The following PRELID2 variants were observed in gnomAD, a reference collection of about 807,000 sequenced individuals.
The protein encoded by PRELID2 is PRELI domain containing 2.
Under a neutral mutation model 28.4 loss-of-function variants are expected in PRELID2, and 25 were observed. The observed-to-expected ratio is 0.88, with a 90% CI of 0.64 to 1.23. The LOEUF is 1.23. Among genes scored for constraint, PRELID2 ranks in the 50% most tolerant of loss-of-function variants. The probability of loss-of-function intolerance (pLI) is 0.00; values close to 1 mark genes in which losing one functional copy is unlikely to be tolerated. For missense variants in PRELID2, 201 were observed against 214.4 expected, an observed-to-expected ratio of 0.94 and a Z score of 0.39; for synonymous variants, 76 against 71.6, an observed-to-expected ratio of 1.06 and a Z score of -0.31.
chr5:145,366,610 T>C, the PRELID2 span, among the ~76,000 whole-genome samples: 9 of 151,974 alleles, frequency 5.9e-5, no homozygotes, highest in African/African-American at 1.4e-4. Context: ...TTAAAATTTA[T>C]TTTCTCATCT....
the PRELID2 span, among the ~76,000 whole-genome samples, chr5:145,379,404 C>G: frequency 1.3e-5 from 2 of 152,114 alleles, no homozygotes; most frequent in African/African-American, 2.4e-5. Flanking sequence ...GGGTGAGGGG[C>G]TCCTTCTGGT....
the PRELID2 span, among the ~76,000 whole-genome samples, chr5:145,430,124 T>C: frequency 2.0e-5 from 3 of 152,198 alleles, no homozygotes; most frequent in African/African-American, 7.2e-5. Flanking sequence ...GATGAAGTAA[T>C]AGTTAATTAA....
downstream of PRELID2, among the ~76,000 whole-genome samples, chr5:145,755,606 A>C (rs1194181763): frequency 2.0e-5 from 3 of 152,242 alleles, no homozygotes. Flanking sequence ...GGCTGGTATC[A>C]TTGCTTTAAA....
the PRELID2 span, among the ~76,000 whole-genome samples, chr5:145,429,093 G>GAT: frequency 6.6e-6 from 1 of 152,184 alleles, no homozygotes; most frequent in African/African-American, 2.4e-5. Flanking sequence ...AAATGACTCT[G>GAT]ATATTTAAAA....
the PRELID2 span, among the ~76,000 whole-genome samples, chr5:145,439,750 C>G: frequency 1.7e-3 from 258 of 152,178 alleles, 5 homozygotes; most frequent in East Asian, 0.042. Flanking sequence ...TTCTACTGCC[C>G]TGCTTTCTGG....
At chr5:145,348,227 C>T in the PRELID2 span, among the ~76,000 whole-genome samples, 5 of 152,030 alleles carry the variant, frequency 3.3e-5, no homozygotes, top group African/African-American at 1.2e-4. Flanking sequence ...TTGCCATTGC[C>T]CTACCATTTC....
chr5:145,254,916 T>TA, the PRELID2 span, among the ~76,000 whole-genome samples: 213 of 138,852 alleles, frequency 1.5e-3, no homozygotes, highest in Middle Eastern at 3.6e-3. Flanking sequence ...AACTCTGAAT[T>TA]AAAAAAAAAA....
chr5:145,375,633 G>T, the PRELID2 span, among the ~76,000 whole-genome samples: 1 of 152,176 alleles, frequency 6.6e-6, no homozygotes, highest in Admixed American at 6.5e-5. Flanking sequence ...AGGGGCTCAG[G>T]CCCAGGGAGA....
the PRELID2 span, among the ~76,000 whole-genome samples, chr5:145,337,658 C>T: frequency 1.4e-5 from 2 of 138,816 alleles, no homozygotes; most frequent in Non-Finnish European, 3.1e-5. Flanking sequence ...TACAGATGAA[C>T]AGCCACAGGA....
At chr5:145,297,221 C>T in the PRELID2 span, among the ~76,000 whole-genome samples, 1 of 151,950 alleles carries the variant, frequency 6.6e-6, no homozygotes, top group South Asian at 2.1e-4. Flanking sequence ...TCAATTTTGG[C>T]TTTTGTTGCC....
chr5:145,417,190 T>G, the PRELID2 span, among the ~76,000 whole-genome samples: 11 of 152,074 alleles, frequency 7.2e-5, no homozygotes, highest in Admixed American at 7.2e-4. Context: ...CTCCCAAGTC[T>G]GAACCAGGAA....
rs563617899 is a variant in PRELID2 at position 145,684,562 on chromosome 5, T to A, written n.70+80369A>T. Among the ~76,000 whole-genome samples the A allele has an allele frequency of 4.0e-4, 61 of 152,344 alleles. No individual in the cohort carries two copies. In the South Asian group the frequency reaches 0.012, roughly 31 times the overall value. ...GCTTCACATTCATGCTTTCATTTAATCCTCATAGTTGTTCTGTTATTATTT... is the reference window on the plus strand; with the variant it reads ...GCTTCACATTCATGCTTTCATTTAAACCTCATAGTTGTTCTGTTATTATTT... On this transcript the variant is annotated intron_variant and non_coding_transcript_variant, in intron 1 of 2. Transcript: ENST00000510259.
chr5:145,694,706 C>T (rs1406392445), intron 1 of PRELID2, among the ~76,000 whole-genome samples: 1 of 151,214 alleles, frequency 6.6e-6, no homozygotes, highest in African/African-American at 2.4e-5. Context: ...GTTCACTTCA[C>T]AAATATTTTT....
chr5:145,745,341 A>G (rs1404124325), intron 1 of PRELID2, among the ~76,000 whole-genome samples: 1 of 152,204 alleles, frequency 6.6e-6, no homozygotes, highest in Non-Finnish European at 1.5e-5. Context: ...GCCAACATGC[A>G]AATTCGGAAA....
At chr5:145,666,057 T>C (rs887785201) in intron 1 of PRELID2, among the ~76,000 whole-genome samples, 18 of 151,756 alleles carry the variant, frequency 1.2e-4, no homozygotes, top group Non-Finnish European at 2.4e-4. Context: ...AATTTGGAGA[T>C]AGAGTCTTCA....
At chr5:145,751,286 G>A (rs796203712) in intron 1 of PRELID2, among the ~76,000 whole-genome samples, 20 of 152,286 alleles carry the variant, frequency 1.3e-4, no homozygotes, top group African/African-American at 3.9e-4. Context: ...GATATGCTGC[G>A]AGAACATAGG....
At chr5:145,609,568 C>T (rs1753581516) in intron 1 of PRELID2, among the ~76,000 whole-genome samples, 1 of 152,260 alleles carries the variant, frequency 6.6e-6, no homozygotes, top group African/African-American at 2.4e-5. Context: ...GATGGGGTTG[C>T]ACCTGCCTGC....
At chr5:145,541,198 G>A (rs533246213) in intron 1 of PRELID2, among the ~76,000 whole-genome samples, 1 of 152,100 alleles carries the variant, frequency 6.6e-6, no homozygotes, top group East Asian at 1.9e-4. Flanking sequence ...TGACAGAACA[G>A]CAAAAACAGG....
intron 1 of PRELID2, among the ~76,000 whole-genome samples, chr5:145,712,519 G>C (rs1292405184): frequency 6.6e-6 from 1 of 152,114 alleles, no homozygotes. Flanking sequence ...AAATTAGATT[G>C]ACCAGCCCTC....
Sources: allele counts gnomAD v4.1 joint callset (sites outside exome capture counted in the v4.1 genomes callset), GRCh38; gene constraint gnomAD v4.1.1; transcripts MANE v1.5; gene names NCBI Gene and HGNC (gene_info 2026-07-23, HGNC 2026-07-21).